Variants in ATG10 observed in about 807,000 individuals in gnomAD.
The protein encoded by ATG10 is ubiquitin-like-conjugating enzyme ATG10.
In ATG10, 30 loss-of-function variants were observed where a neutral mutation model predicts 32.1. The observed-to-expected ratio is 0.94, with a 90% confidence interval of 0.70 to 1.27. The LOEUF is 1.27. ATG10 is among the 50% of genes most tolerant of loss of function. ATG10 has a pLI of 0.00. For synonymous variants in ATG10, 87 were observed against 91.5 expected, an observed-to-expected ratio of 0.95 and a Z score of 0.28; for missense variants, 233 against 262.3, an observed-to-expected ratio of 0.89 and a Z score of 0.77.
intron 5 of ATG10, among the ~76,000 whole-genome samples, chr5:82,209,331 A>G (rs12173093): frequency 0.15 from 22,631 of 152,116 alleles, 2,760 homozygotes; most frequent in African/African-American, 0.34. Context: ...GTTGAAACCT[A>G]TGCATCCCCA....
At chr5:82,008,014 A>G (rs1762030814) in intron 2 of ATG10, among the ~76,000 whole-genome samples, 1 of 152,174 alleles carries the variant, frequency 6.6e-6, no homozygotes, top group South Asian at 2.1e-4. Flanking sequence ...TTTAAGAATA[A>G]TATTGCTTTA....
chr5:82,034,564 T>C (rs1762853785), intron 2 of ATG10, among the ~76,000 whole-genome samples: 1 of 152,206 alleles, frequency 6.6e-6, no homozygotes, highest in Non-Finnish European at 1.5e-5. Flanking sequence ...ACTTCCTATT[T>C]AGTCTGAGTG....
At chr5:82,179,254 G>A (rs1038762641) in intron 5 of ATG10, among the ~76,000 whole-genome samples, 9 of 152,104 alleles carry the variant, frequency 5.9e-5, no homozygotes, top group Admixed American at 2.0e-4. Flanking sequence ...TGTCTGTACT[G>A]TGAGCTCTCA....
chr5:82,056,123 A>G (rs886601305), intron 2 of ATG10, among the ~76,000 whole-genome samples: 1 of 152,176 alleles, frequency 6.6e-6, no homozygotes, highest in East Asian at 1.9e-4. Context: ...TATATAATCA[A>G]CTATTGATTA....
At chr5:82,022,369 C>T (rs1762467569) in intron 2 of ATG10, among the ~76,000 whole-genome samples, 1 of 147,174 alleles carries the variant, frequency 6.8e-6, no homozygotes, top group Non-Finnish European at 1.5e-5. Context: ...CGCTCTGTCA[C>T]CCAGGCTAGA....
chr5:82,141,751 C>G (rs1767154749), intron 3 of ATG10, among the ~76,000 whole-genome samples: 1 of 151,426 alleles, frequency 6.6e-6, no homozygotes, highest in Non-Finnish European at 1.5e-5. Flanking sequence ...TCTTAAGGCT[C>G]ATTCTTACTT....
At chr5:82,083,709 A>G (rs930929989) in intron 3 of ATG10, among the ~76,000 whole-genome samples, 14 of 152,200 alleles carry the variant, frequency 9.2e-5, no homozygotes, top group African/African-American at 3.4e-4. Context: ...TGCCAGGCCA[A>G]CAGGGTCTGG....
intron 5 of ATG10, among the ~76,000 whole-genome samples, chr5:82,229,487 A>C (rs1179744606): frequency 6.6e-6 from 1 of 152,218 alleles, no homozygotes; most frequent in African/African-American, 2.4e-5. Flanking sequence ...TTATTGGGCA[A>C]GTTTCATGTC....
intron 3 of ATG10, among the ~76,000 whole-genome samples, chr5:82,132,786 C>T (rs1463983251): frequency 1.3e-5 from 2 of 152,046 alleles, no homozygotes; most frequent in Admixed American, 6.6e-5. Flanking sequence ...AATGGTATTC[C>T]TAGTTCTAGA....
At chr5:82,137,045 G>A (rs889824497) in intron 3 of ATG10, among the ~76,000 whole-genome samples, 4 of 151,972 alleles carry the variant, frequency 2.6e-5, no homozygotes, top group African/African-American at 9.7e-5. Flanking sequence ...CTCATGCTGT[G>A]TTTTTCAGCT....
intron 3 of ATG10, among the ~76,000 whole-genome samples, chr5:82,139,388 G>A (rs2149857390): frequency 6.7e-6 from 1 of 149,312 alleles, no homozygotes; most frequent in East Asian, 2.0e-4. Flanking sequence ...ATCCCATCTA[G>A]GAAGTGAGGA....
chr5:82,122,676 A>C (rs140988485), intron 3 of ATG10, among the ~76,000 whole-genome samples: 2 of 152,224 alleles, frequency 1.3e-5, no homozygotes, highest in Admixed American at 6.5e-5. Context: ...TAGAAAAACA[A>C]TCCCGTTAAA....
chr5:82,054,161 T>C (rs1763513560), intron 2 of ATG10, among the ~76,000 whole-genome samples: 1 of 152,158 alleles, frequency 6.6e-6, no homozygotes, highest in South Asian at 2.1e-4. Context: ...TCTGACTTAA[T>C]TGGTCTGAGG....
intron 2 of ATG10, among the ~76,000 whole-genome samples, chr5:82,020,536 TTGAC>T (rs1490658150): frequency 1.3e-5 from 2 of 152,200 alleles, no homozygotes; most frequent in African/African-American, 2.4e-5. Flanking sequence ...AGTCTGCAAA[TTGAC>T]TGGACAGTTT....
chr5:82,217,621 A>C (rs1213779143), intron 5 of ATG10, among the ~76,000 whole-genome samples: 3 of 151,922 alleles, frequency 2.0e-5, no homozygotes, highest in Non-Finnish European at 4.4e-5. Context: ...ATAGGGCATA[A>C]TATTGATTGG....
At chr5:82,148,619 A>G (rs1767459936) in intron 3 of ATG10, among the ~76,000 whole-genome samples, 2 of 152,106 alleles carry the variant, frequency 1.3e-5, no homozygotes, top group Non-Finnish European at 2.9e-5. Flanking sequence ...GTAACTTCTC[A>G]TTAGGGTTAT....
intron 5 of ATG10, among the ~76,000 whole-genome samples, chr5:82,227,158 G>T (rs1038498971): frequency 4.6e-5 from 7 of 151,876 alleles, no homozygotes; most frequent in Non-Finnish European, 1.0e-4. Context: ...AAATCCATCT[G>T]CTTGAGAAGG....
chr5:81,974,720 G>GC lies in ATG10; in HGVS notation c.-13+2417dup, dbSNP rs1414355377. On this transcript the variant is annotated intron_variant, in intron 1 of 7. Coordinates refer to ENST00000282185, the MANE Select transcript of ATG10 (RefSeq NM_031482.5). ...ACAGCCGTGACTCCTGGCTCAAGCA[G>GC]CCCTCCTGCCTCAGCCTCCTGAGTA... Among the ~76,000 whole-genome samples, 10 of 152,250 alleles carry GC rather than the reference G, an allele frequency of 6.6e-5. No homozygotes were observed. In the East Asian group the frequency reaches 1.9e-3, roughly 29 times the overall value.
At chr5:82,235,082 G>A (rs1351397645) in intron 5 of ATG10, among the ~76,000 whole-genome samples, 1 of 152,160 alleles carries the variant, frequency 6.6e-6, no homozygotes, top group Non-Finnish European at 1.5e-5. Context: ...CCTAGGGGAT[G>A]GGTGTGCCTC....
Sources: gnomAD v4.1 joint callset for allele counts (sites outside exome capture counted in the v4.1 genomes callset) on GRCh38, gnomAD v4.1.1 for gene constraint, MANE v1.5 for transcripts, NCBI Gene and HGNC (gene_info 2026-07-23, HGNC 2026-07-21) for gene names.